The following KY variants were observed in gnomAD, a reference collection of about 807,000 sequenced individuals.
KY encodes the protein kyphoscoliosis peptidase.
In KY, 43 loss-of-function variants were observed where a neutral mutation model predicts 76.1. The observed-to-expected ratio is 0.57, with a 90% CI of 0.44 to 0.73. The LOEUF (loss-of-function observed/expected upper bound fraction) is 0.73. Ranked by LOEUF, KY falls within the 30% of genes least tolerant of loss-of-function variation. KY has a pLI of 0.00. For missense variants in KY, 722 were observed against 828.9 expected (o/e 0.87, Z 1.58); for synonymous variants, 277 against 326.2 (o/e 0.85, Z 1.63).
rs1185428443 is a variant in KY, at chr3:134,625,155, T to A, written c.401-20A>T. ...GGTAGGCTGGAAACACAGGGCACCT[T>A]GGTCAGCAGCTGAGACCCACTGAAG... is the stretch of plus-strand genomic sequence containing the variant. On this transcript the variant is annotated intron_variant, in intron 5 of 10. Transcript: ENST00000423778. 1 of 1,580,982 alleles carries A rather than the reference T, an allele frequency of 6.3e-7. No homozygotes were observed. The highest frequency in any genetic ancestry group is 1.8e-5 in the Admixed American group (1 of 54,952).
intron 7 of KY, 31 bp from the exon 8 acceptor site, chr3:134,619,296 C>T (rs1218327813): frequency 1.3e-6 from 2 of 1,560,368 alleles, no homozygotes; most frequent in Non-Finnish European, 1.8e-6. Context: ...TCATGAAGAG[C>T]TTGAGCCTGG....
At chr3:134,632,443 TAAA>T (rs745786048) in intron 3 of KY, among the ~76,000 whole-genome samples, 1 of 151,744 alleles carries the variant, frequency 6.6e-6, no homozygotes, top group African/African-American at 2.4e-5. Flanking sequence ...AAACTAGAAG[TAAA>T]AAACAGAAAG....
intron 8 of KY, among the ~76,000 whole-genome samples, chr3:134,615,937 A>G (rs1048716247): frequency 1.3e-5 from 2 of 152,140 alleles, no homozygotes; most frequent in Non-Finnish European, 2.9e-5. Flanking sequence ...ATTGGTGACA[A>G]CCAACTCCCT....
chr3:134,614,612 G>A (rs528941386), intron 8 of KY, among the ~76,000 whole-genome samples: 1 of 152,136 alleles, frequency 6.6e-6, no homozygotes, highest in East Asian at 1.9e-4. Flanking sequence ...CATTACCTGG[G>A]TTACCCTTGA....
At chr3:134,613,380 C>A (rs9838467) in intron 8 of KY, among the ~76,000 whole-genome samples, 95,398 of 151,960 alleles carry the variant, frequency 0.63, 30,406 homozygotes, top group East Asian at 0.87. Flanking sequence ...AGTCAGGGAG[C>A]AGCAGCGAGA....
At chr3:134,649,478 G>A (rs1966826095) in intron 1 of KY, among the ~76,000 whole-genome samples, 1 of 152,186 alleles carries the variant, frequency 6.6e-6, no homozygotes, top group Non-Finnish European at 1.5e-5. Context: ...CTGGACTGTG[G>A]TACATGTATT....
At chr3:134,640,045 C>A (rs977771958) in intron 3 of KY, 1 of 154,652 alleles carries the variant, frequency 6.5e-6, no homozygotes, top group Admixed American at 6.5e-5. Flanking sequence ...ACCCACACAC[C>A]CACTACAGAT....
At chr3:134,646,531 A>C (rs934008901) in intron 2 of KY, among the ~76,000 whole-genome samples, 4 of 152,228 alleles carry the variant, frequency 2.6e-5, no homozygotes. Flanking sequence ...GCACAAAGTA[A>C]GCACTATAGG....
At chr3:134,612,025 T>C (rs1044109883) in intron 8 of KY, among the ~76,000 whole-genome samples, 2 of 152,262 alleles carry the variant, frequency 1.3e-5, no homozygotes, top group Non-Finnish European at 2.9e-5. Flanking sequence ...TCAGTGTTTC[T>C]TCACATGCAT....
At chr3:134,619,405 A>C in intron 7 of KY, 140 bp from the exon 8 acceptor site, 2 of 668,928 alleles carry the variant, frequency 3.0e-6, no homozygotes, top group Admixed American at 2.3e-5. Flanking sequence ...CCCAGCACAA[A>C]TGGGATCTGG....
At position 134,625,152 on chromosome 3, in the gene KY, C is replaced by A. The variant is rs1963260018; in HGVS notation, c.401-17G>T. On this transcript the variant is annotated splice_polypyrimidine_tract_variant and intron_variant, in intron 5 of 10. Transcript: ENST00000423778. ...AGGGGTAGGCTGGAAACACAGGGCA[C>A]CTTGGTCAGCAGCTGAGACCCACTG... 6.3e-7 allele frequency: 1 copy of A among 1,582,940 alleles called. No homozygotes were observed. The highest frequency in any genetic ancestry group is 2.3e-5 in the East Asian group (1 of 43,476).
chr3:134,609,437 G>A (rs535344459), intron 9 of KY, among the ~76,000 whole-genome samples: 8 of 152,314 alleles, frequency 5.3e-5, no homozygotes, highest in Non-Finnish European at 1.0e-4. Context: ...CGCGAGCCCT[G>A]CGTGTAGGAT....
In KY at chr3:134,610,492, T is replaced by A. The variant is rs571066593; in HGVS notation, c.711-109A>T. On this transcript the variant is annotated intron_variant, in intron 8 of 10. Transcript: ENST00000423778. ...GTTTGCTGCCCATCAGTCCTCCCTG[T>A]CTATCCTTTTCCTTGCTTCTTGTAC... 1.3e-5 allele frequency: 12 copies of A among 912,928 alleles called. No homozygotes were observed. The South Asian group carries it at 2.0e-4, about 15-fold the overall frequency. 56.6% of individuals were successfully genotyped at this position (912,928 alleles called of 1,614,324 possible). A position where few individuals can be genotyped will look rare whatever the true frequency, so the allele number is the denominator to read the frequency against.
chr3:134,607,906 G>A (rs977859352), intron 10 of KY: 2 of 991,690 alleles, frequency 2.0e-6, no homozygotes, highest in African/African-American at 3.5e-5. Context: ...CCTCATCCAG[G>A]GGTGCCTGAG....
Position 134,635,493 on chromosome 3 carries a change from T to TTAAAA in KY, c.263-5799_263-5798insTTTTA, listed in dbSNP as rs1553814998. On this transcript the variant is annotated intron_variant, in intron 3 of 10. Coordinates refer to ENST00000423778, the MANE Select transcript of KY (RefSeq NM_178554.6). Reference sequence around the variant, plus strand: ...GCCTGGACAACAGAGCGAGACTCTGTAAAAAAAAAAAAAAAAAAAAAGTAC... The same window carrying TTAAAA: ...GCCTGGACAACAGAGCGAGACTCTGTTAAAAAAAAAAAAAAAAAAAAAAAAAGTAC... 1.1e-4 allele frequency among the ~76,000 whole-genome samples: 9 copies of TTAAAA among 79,334 alleles called. No individual in the cohort carries two copies. In the Middle Eastern group the frequency reaches 0.03, roughly 264 times the overall value. 52.0% of individuals were successfully genotyped at this position (79,334 alleles called of 152,430 possible).
intron 6 of KY, among the ~76,000 whole-genome samples, chr3:134,623,567 C>T (rs1482657234): frequency 4.7e-5 from 7 of 149,268 alleles, no homozygotes; most frequent in African/African-American, 2.5e-5. Context: ...CCTTAGGATG[C>T]CCCCCTACTC....
intron 2 of KY, 28 bp downstream of exon 2, chr3:134,647,407 A>G (rs1423483811): frequency 2.0e-6 from 3 of 1,536,286 alleles, no homozygotes; most frequent in East Asian, 2.3e-5. Flanking sequence ...ATTAAATCCT[A>G]TAGGTTGAAA....
chr3:134,605,578 C>G lies in KY; in HGVS notation c.1091-1104G>C, dbSNP rs549604963. Among the ~76,000 whole-genome samples the G allele has an allele frequency of 1.3e-4, 20 of 152,274 alleles. 1 individual carries two copies. Among genetic ancestry groups the G allele is most frequent in the African/African-American group, 4.6e-4 (19 of 41,556 alleles). On this transcript the variant is annotated intron_variant, in intron 10 of 10. Transcript: ENST00000423778. ...GATGGGGAGGCTGCTTAGACAGCCC[C>G]TCTACCTTCTTCGTGGCTGTCCCAG...
At chr3:134,606,645 G>A (rs1363221585) in intron 10 of KY, among the ~76,000 whole-genome samples, 2 of 152,166 alleles carry the variant, frequency 1.3e-5, no homozygotes, top group Non-Finnish European at 2.9e-5. Flanking sequence ...GGGCTCTGTG[G>A]TGAAGGGGCT....
Sources: gnomAD v4.1 joint callset for allele counts (sites outside exome capture counted in the v4.1 genomes callset) on GRCh38, gnomAD v4.1.1 for gene constraint, MANE v1.5 for transcripts, NCBI Gene and HGNC (gene_info 2026-07-23, HGNC 2026-07-21) for gene names.